The following KCTD16 variants were observed in gnomAD, a reference collection of about 807,000 sequenced individuals.
The protein encoded by KCTD16 is BTB/POZ domain-containing protein KCTD16.
Under a neutral mutation model 33.2 loss-of-function variants are expected in KCTD16, and 13 were observed. The ratio of observed to expected loss-of-function variants is 0.39; its 90% CI spans 0.25 to 0.62. KCTD16 has a LOEUF of 0.62. KCTD16 is among the 20% of genes least tolerant of loss of function. The pLI, the probability that KCTD16 is intolerant of heterozygous loss-of-function variation, is 0.50. For missense variants in KCTD16, 441 were observed against 525.1 expected, an observed-to-expected ratio of 0.84 and a Z score of 1.57; for synonymous variants, 197 against 195.3, an observed-to-expected ratio of 1.01 and a Z score of -0.07.
chr5:144,238,243 T>C (rs1754307469), intron 3 of KCTD16, among the ~76,000 whole-genome samples: 1 of 152,058 alleles, frequency 6.6e-6, no homozygotes, highest in Admixed American at 6.6e-5. Context: ...ACAGGAGAAA[T>C]AGGCCATAGA....
chr5:144,251,518 C>T (rs1238191542), intron 3 of KCTD16, among the ~76,000 whole-genome samples: 1 of 152,118 alleles, frequency 6.6e-6, no homozygotes, highest in Non-Finnish European at 1.5e-5. Context: ...GTAGCAGAAA[C>T]AATAGACAAC....
At chr5:144,216,817 CT>C (rs1226755768) in intron 3 of KCTD16, among the ~76,000 whole-genome samples, 2 of 149,900 alleles carry the variant, frequency 1.3e-5, no homozygotes, top group Non-Finnish European at 3.0e-5. Flanking sequence ...GCACCCCAGC[CT>C]AGGCCACAGA....
chr5:144,432,487 A>G (rs150604683), intron 3 of KCTD16, among the ~76,000 whole-genome samples: 19 of 152,302 alleles, frequency 1.2e-4, no homozygotes, highest in Non-Finnish European at 2.1e-4. Flanking sequence ...AAGCACACAT[A>G]TGTTATCAGG....
intron 3 of KCTD16, among the ~76,000 whole-genome samples, chr5:144,417,544 C>T (rs1260940504): frequency 2.6e-5 from 4 of 152,042 alleles, no homozygotes; most frequent in Non-Finnish European, 5.9e-5. Context: ...GCAGTATTTT[C>T]TCCCATTCTG....
At chr5:144,368,835 G>A (rs967765617) in intron 3 of KCTD16, among the ~76,000 whole-genome samples, 3 of 152,152 alleles carry the variant, frequency 2.0e-5, no homozygotes, top group Non-Finnish European at 4.4e-5. Flanking sequence ...TAGGAAGTAC[G>A]GAGGTCTGTA....
intron 3 of KCTD16, among the ~76,000 whole-genome samples, chr5:144,255,976 C>T (rs1454741819): frequency 6.6e-6 from 1 of 152,214 alleles, no homozygotes; most frequent in African/African-American, 2.4e-5. Flanking sequence ...CTGGAGCATA[C>T]TGAGTCACTC....
At chr5:144,379,626 G>A (rs959697416) in intron 3 of KCTD16, among the ~76,000 whole-genome samples, 1 of 152,014 alleles carries the variant, frequency 6.6e-6, no homozygotes, top group Non-Finnish European at 1.5e-5. Flanking sequence ...TTTCAGACAG[G>A]TTTCTTTGTA....
chr5:144,470,184 G>T (rs1217644604), intron 3 of KCTD16, among the ~76,000 whole-genome samples: 2 of 152,142 alleles, frequency 1.3e-5, no homozygotes, highest in Non-Finnish European at 2.9e-5. Flanking sequence ...AATACTTTGT[G>T]TTACAGAACT....
At chr5:144,232,107 G>A (rs1351728240) in intron 3 of KCTD16, among the ~76,000 whole-genome samples, 2 of 152,110 alleles carry the variant, frequency 1.3e-5, no homozygotes, top group East Asian at 3.9e-4. Flanking sequence ...AGAAATGGAA[G>A]CACCACACAA....
intron 3 of KCTD16, among the ~76,000 whole-genome samples, chr5:144,468,593 G>A (rs980632983): frequency 1.3e-5 from 2 of 152,124 alleles, no homozygotes. Context: ...ATGCAATATC[G>A]TTTTCAAGGT....
intron 3 of KCTD16, among the ~76,000 whole-genome samples, chr5:144,365,924 A>G (rs564782941): frequency 4.5e-4 from 68 of 152,316 alleles, no homozygotes; most frequent in African/African-American, 1.5e-3. Flanking sequence ...AAAAATTGTG[A>G]GCTATTTATT....
chr5:144,256,617 GTT>G (rs796627421), intron 3 of KCTD16, among the ~76,000 whole-genome samples: 3 of 93,880 alleles, frequency 3.2e-5, no homozygotes, highest in Non-Finnish European at 2.7e-5. Flanking sequence ...AGTTTTTTTT[GTT>G]TTTTTTTTTT....
chr5:144,201,910 G>A (rs1250666782), intron 2 of KCTD16, among the ~76,000 whole-genome samples: 1 of 152,228 alleles, frequency 6.6e-6, no homozygotes, highest in Non-Finnish European at 1.5e-5. Context: ...CTGCTTGAGG[G>A]CAGAGAAAAC....
chr5:144,426,422 A>G (rs994940910), intron 3 of KCTD16, among the ~76,000 whole-genome samples: 5 of 151,978 alleles, frequency 3.3e-5, no homozygotes, highest in African/African-American at 1.2e-4. Flanking sequence ...ATCACCCTTA[A>G]TGCTTCATTT....
At chr5:144,385,814 G>A (rs1752311264) in intron 3 of KCTD16, among the ~76,000 whole-genome samples, 1 of 152,050 alleles carries the variant, frequency 6.6e-6, no homozygotes, top group Admixed American at 6.6e-5. Flanking sequence ...GTGGGGAGGA[G>A]GGGTGGTCCC....
intron 3 of KCTD16, among the ~76,000 whole-genome samples, chr5:144,390,791 T>G (rs1463180273): frequency 1.3e-5 from 2 of 152,102 alleles, no homozygotes; most frequent in Non-Finnish European, 2.9e-5. Context: ...GTTTTCTGTT[T>G]CTGTGTTAGT....
rs971108419 is a variant in KCTD16, at chr5:144,174,448, C to T, written c.-351C>T. 3.3e-5 allele frequency: 5 copies of T among 152,128 alleles called. No homozygotes were observed. The highest frequency in any genetic ancestry group is 1.2e-4 in the African/African-American group (5 of 41,414). 9.4% of individuals were successfully genotyped at this position (152,128 alleles called of 1,614,324 possible). A position where few individuals can be genotyped will look rare whatever the true frequency, so the allele number is the denominator to read the frequency against. On this transcript the variant is annotated 5_prime_UTR_variant, in exon 2 of 4. Coordinates refer to ENST00000512467, the MANE Select transcript of KCTD16 (RefSeq NM_020768.4). ...ATTTCAGTCAAGTTCCACAATGAAA[C>T]CTGACAATAATGGTAAAAACCAATG...
At chr5:144,186,450 G>T (rs531671950) in intron 2 of KCTD16, among the ~76,000 whole-genome samples, 1 of 150,704 alleles carries the variant, frequency 6.6e-6, no homozygotes, top group African/African-American at 2.4e-5. Context: ...TGTACATGCT[G>T]CCAGTCAGAA....
rs145336939 is a variant in KCTD16 at position 144,201,316 on chromosome 5, A to C, written c.-326-5073A>C. ...TTTCAGTTCCCCACTCTGCCACCCC[A>C]TCTCCCTCACCAAATCCTGAAATTC... is the stretch of plus-strand genomic sequence containing the variant. On this transcript the variant is annotated intron_variant, in intron 2 of 3. Transcript: ENST00000512467. Among the ~76,000 whole-genome samples, 878 of 152,274 alleles carry C rather than the reference A, an allele frequency of 5.8e-3. 10 individuals are homozygous for C. Among genetic ancestry groups the C allele is most frequent in the African/African-American group, 0.02 (848 of 41,560 alleles).
Sources: gnomAD v4.1 joint callset for allele counts (sites outside exome capture counted in the v4.1 genomes callset) on GRCh38, gnomAD v4.1.1 for gene constraint, MANE v1.5 for transcripts, NCBI Gene and HGNC (gene_info 2026-07-23, HGNC 2026-07-21) for gene names.